The following RADIL variants were observed in gnomAD, a reference collection of about 807,000 sequenced individuals.
RADIL encodes Rap associating with DIL domain, also known as ras-associating and dilute domain-containing protein.
In RADIL, 99 loss-of-function variants were observed where a neutral mutation model predicts 97.6. The ratio of observed to expected loss-of-function variants is 1.01; its 90% CI spans 0.86 to 1.20. The LOEUF (loss-of-function observed/expected upper bound fraction) is 1.20. Among genes scored for constraint, RADIL ranks in the 50% most tolerant of loss-of-function variants. The pLI is 0.00. For missense variants in RADIL, 1,765 were observed against 1,498.9 expected, an observed-to-expected ratio of 1.18 and a Z score of -2.93; for synonymous variants, 803 against 691.8, an observed-to-expected ratio of 1.16 and a Z score of -2.52.
In RADIL at chr7:4,819,631, AAC is replaced by A. The variant is rs981742108; in HGVS notation, c.1616-2282_1616-2281del. Among the ~76,000 whole-genome samples, 2 of 152,146 alleles carry A rather than the reference AAC, an allele frequency of 1.3e-5. No individual in the cohort carries two copies. The highest frequency in any genetic ancestry group is 2.9e-5 in the Non-Finnish European group (2 of 68,028). On this transcript the variant is annotated intron_variant, in intron 6 of 14. Transcript: ENST00000399583. The surrounding 1 kb of genome is among the most constrained non-coding windows in gnomAD (Gnocchi z 5.8). The stretch of plus-strand genomic sequence containing the variant: ...GGGCCTGGGTCAGAGCTTTGTACAA[AAC>A]AGTGTTTGCGGAATGACAACAGCCA...
intron 2 of RADIL, chr7:4,865,716 T>C (rs749194956): frequency 1.9e-4 from 202 of 1,042,842 alleles, no homozygotes; most frequent in Non-Finnish European, 2.9e-4. Flanking sequence ...TTCCATCTTC[T>C]ACGGGGTGGG....
Position 4,799,429 on chromosome 7 carries a change from C to T in RADIL, c.3177G>A (p.Lys1059=). Residue 1059 remains lysine, a synonymous_variant, in exon 15 of 15, where the codon AAG becomes AAA. Transcript: ENST00000399583. ...GGKKMRFLVA[K]SDVETAKKIH... Reference sequence around the variant, plus strand: ...TCTTCTTGGCTGTTTCCACGTCGGACTTCGCGACCAGGAACCGCATCTTCT... The same window carrying T: ...TCTTCTTGGCTGTTTCCACGTCGGATTTCGCGACCAGGAACCGCATCTTCT... The T allele has an allele frequency of 6.2e-7, 1 of 1,613,850 alleles. No homozygotes were observed. Among genetic ancestry groups the T allele is most frequent in the Non-Finnish European group, 8.5e-7 (1 of 1,179,998 alleles).
chr7:4,846,819 T>C (rs1277486483), intron 2 of RADIL, among the ~76,000 whole-genome samples: 1 of 152,090 alleles, frequency 6.6e-6, no homozygotes, highest in African/African-American at 2.4e-5. Flanking sequence ...ACTGCTGGGA[T>C]TATAGGCATG....
intron 5 of RADIL, among the ~76,000 whole-genome samples, chr7:4,827,662 A>G (rs1195839506): frequency 6.6e-6 from 1 of 152,180 alleles, no homozygotes; most frequent in Non-Finnish European, 1.5e-5. Flanking sequence ...CTCCATCGCA[A>G]AAACGAACAA....
At chr7:4,833,617 G>T (rs763939297) in intron 4 of RADIL, among the ~76,000 whole-genome samples, 2 of 152,222 alleles carry the variant, frequency 1.3e-5, no homozygotes, top group Admixed American at 6.5e-5. Flanking sequence ...TTAAAATGTG[G>T]ATTTCGATAT....
chr7:4,809,143 G>C lies in RADIL; in HGVS notation c.2140-3427C>G, dbSNP rs1038616738. 3.0e-5 allele frequency: 30 copies of C among 985,100 alleles called. No homozygotes were observed. The Admixed American group carries it at 1.6e-3, about 53-fold the overall frequency. The allele number at this position is 985,100 out of a possible 1,614,324, so 61.0% of individuals were successfully genotyped here. A position where few individuals can be genotyped will look rare whatever the true frequency, so the allele number is the denominator to read the frequency against. The stretch of plus-strand genomic sequence containing the variant: ...AGGCGCTTCCTGGCCTCAGCGTGGG[G>C]TGGCCCGGCCGCTTCTGGAAGACCC... On this transcript the variant is annotated intron_variant, in intron 9 of 14. Transcript: ENST00000399583.
At chr7:4,871,391 C>T (rs1341345805) in intron 2 of RADIL, among the ~76,000 whole-genome samples, 4 of 152,226 alleles carry the variant, frequency 2.6e-5, no homozygotes, top group South Asian at 2.1e-4. Flanking sequence ...AAGGCAGCGG[C>T]GCTTCCCGCG....
In RADIL at chr7:4,835,763, G is replaced by T. The variant is rs73316110; in HGVS notation, c.784-524C>A. Reference sequence around the variant, plus strand: ...GCAAAGGAGCTGGCTGCACAGGAGGGCGGGGGTAGGGTGAGCAGGGGGCGG... The same window carrying T: ...GCAAAGGAGCTGGCTGCACAGGAGGTCGGGGGTAGGGTGAGCAGGGGGCGG... On this transcript the variant is annotated intron_variant, in intron 3 of 14. Coordinates refer to ENST00000399583, the MANE Select transcript of RADIL (RefSeq NM_018059.5). This position sits in a 1 kb window ranked among gnomAD's most constrained non-coding sequence, Gnocchi z 5.8. Among the ~76,000 whole-genome samples the T allele has an allele frequency of 0.021, 3,266 of 152,278 alleles. 107 individuals carry two copies. Among genetic ancestry groups the T allele is most frequent in the African/African-American group, 0.075 (3,120 of 41,540 alleles).
At chr7:4,857,098 G>A (rs1211403563) in intron 2 of RADIL, among the ~76,000 whole-genome samples, 6 of 152,200 alleles carry the variant, frequency 3.9e-5, no homozygotes, top group South Asian at 2.1e-4. Context: ...CTATGATAAT[G>A]ACACATTTAA....
At chr7:4,802,613 G>A (rs1436097153) in intron 11 of RADIL, among the ~76,000 whole-genome samples, 4 of 133,072 alleles carry the variant, frequency 3.0e-5, no homozygotes, top group Admixed American at 1.5e-4. Flanking sequence ...CGGGTACCTC[G>A]GGGCATGCTG....
chr7:4,838,053 C>T (rs1484058505), intron 2 of RADIL: 9 of 985,352 alleles, frequency 9.1e-6, no homozygotes, highest in Non-Finnish European at 1.1e-5. Flanking sequence ...GCAGCCTGTG[C>T]ATCTGCAGCC....
chr7:4,800,652 T>G (rs1043959072), intron 12 of RADIL, among the ~76,000 whole-genome samples: 2 of 151,962 alleles, frequency 1.3e-5, no homozygotes, highest in African/African-American at 4.8e-5. Flanking sequence ...TCCTCCTCCC[T>G]CCACACCCAG....
At position 4,819,901 on chromosome 7, in the gene RADIL, C is replaced by T. The variant is rs1337732269; in HGVS notation, c.1615+2493G>A. Among the ~76,000 whole-genome samples the T allele has an allele frequency of 6.6e-6, 1 of 152,342 alleles. No individual in the cohort carries two copies. The highest frequency in any genetic ancestry group is 3.4e-3 in the Middle Eastern group (1 of 294). ...CCCCTGACCAAAAATAACTTCCTCC[C>T]AAGACCAAAGGCAGCAGCTCCAACA... On this transcript the variant is annotated intron_variant, in intron 6 of 14. Transcript: ENST00000399583. The surrounding 1 kb of genome is among the most constrained non-coding windows in gnomAD (Gnocchi z 5.8).
intron 2 of RADIL, chr7:4,859,169 C>G (rs1176296132): frequency 6.6e-6 from 1 of 152,398 alleles, no homozygotes; most frequent in Non-Finnish European, 1.5e-5. Context: ...CTCTGAAGTA[C>G]AGTACACCGC....
Position 4,852,051 on chromosome 7 carries a change from G to A in RADIL, c.536-15446C>T, listed in dbSNP as rs537329094. ...TCACCAGAAGCTGAAAGTAGAGAAG[G>A]GATTATCTCAGAGACATTTATGGAT... On this transcript the variant is annotated intron_variant, in intron 2 of 14. Transcript: ENST00000399583. Among the ~76,000 whole-genome samples, 11 of 152,294 alleles carry A rather than the reference G, an allele frequency of 7.2e-5. No homozygotes were observed. In the South Asian group the frequency reaches 2.1e-3, roughly 29 times the overall value.
At chr7:4,801,144 GCACA>G (rs200175056) in intron 12 of RADIL, among the ~76,000 whole-genome samples, 1 of 151,956 alleles carries the variant, frequency 6.6e-6, no homozygotes, top group Admixed American at 6.6e-5. Context: ...ATGCAGAGAT[GCACA>G]CACAATGCAC....
intron 2 of RADIL, among the ~76,000 whole-genome samples, chr7:4,846,632 G>A (rs1238088899): frequency 6.8e-5 from 10 of 147,912 alleles, no homozygotes; most frequent in East Asian, 2.1e-4. Flanking sequence ...TGCAACGTCC[G>A]CCTTCCAGGT....
chr7:4,861,714 T>C (rs1425812657), intron 2 of RADIL: 3 of 1,569,074 alleles, frequency 1.9e-6, no homozygotes, highest in Non-Finnish European at 2.6e-6. Context: ...TCCGTCTCCT[T>C]GGGGACCGCT....
chr7:4,818,298 C>T lies in RADIL; in HGVS notation c.1616-947G>A, dbSNP rs1782733185. 6.6e-6 allele frequency among the ~76,000 whole-genome samples: 1 copy of T among 152,218 alleles called. No homozygotes were observed. Among genetic ancestry groups the T allele is most frequent in the Non-Finnish European group, 1.5e-5 (1 of 68,034 alleles). On this transcript the variant is annotated intron_variant, in intron 6 of 14. Coordinates refer to ENST00000399583, the MANE Select transcript of RADIL (RefSeq NM_018059.5). This position sits in a 1 kb window ranked among gnomAD's most constrained non-coding sequence, Gnocchi z 7.1. ...TCCCAGGAGCACAGGCCCCCAGCTG[C>T]CCCTCTGCCGGGCAGACTGCACCGG...
Sources: gnomAD v4.1 joint callset for allele counts (sites outside exome capture counted in the v4.1 genomes callset) on GRCh38, gnomAD v4.1.1 for gene constraint, Gnocchi (gnomAD v3.1) non-coding constraint, MANE v1.5 for transcripts, NCBI Gene and HGNC (gene_info 2026-07-23, HGNC 2026-07-21) for gene names.